SPOPL: variants seen among roughly 807,000 people sequenced by gnomAD.
SPOPL encodes the protein speckle-type POZ protein-like.
In SPOPL, 23 loss-of-function variants were observed where a neutral mutation model predicts 53.8. The observed-to-expected ratio is 0.43, with a 90% CI of 0.31 to 0.61. The LOEUF is 0.61. Among genes scored for constraint, SPOPL ranks in the 20% least tolerant of loss-of-function variants. The probability of loss-of-function intolerance (pLI) is 0.12; values close to 1 mark genes in which losing one functional copy is unlikely to be tolerated. For missense variants in SPOPL, 442 were observed against 466.9 expected (o/e 0.95, Z 0.49); for synonymous variants, 164 against 149.7 (o/e 1.10, Z -0.70).
At chr2:138,527,438 T>A (rs1324901554) in intron 1 of SPOPL, among the ~76,000 whole-genome samples, 1 of 152,204 alleles carries the variant, frequency 6.6e-6, no homozygotes, top group Non-Finnish European at 1.5e-5. Context: ...GAAGTTGTCT[T>A]TATCTTTTAT....
chr2:138,566,382 C>G lies in SPOPL; in HGVS notation c.1034+1389C>G, dbSNP rs75798567. On this transcript the variant is annotated intron_variant, in intron 10 of 10. Transcript: ENST00000280098. Reference sequence around the variant, plus strand: ...TAAGGAAATACTTCACATTTTATAACTTTTTCAGTGTCAAAAAAAATAGCT... The same window carrying G: ...TAAGGAAATACTTCACATTTTATAAGTTTTTCAGTGTCAAAAAAAATAGCT... 2.5e-3 allele frequency among the ~76,000 whole-genome samples: 385 copies of G among 152,166 alleles called. 3 individuals are homozygous for G. The highest frequency in any genetic ancestry group is 9.0e-3 in the African/African-American group (373 of 41,526).
chr2:138,502,413 G>T (rs552156467), intron 1 of SPOPL, among the ~76,000 whole-genome samples: 56 of 152,252 alleles, frequency 3.7e-4, no homozygotes, highest in African/African-American at 1.2e-3. Context: ...TTACCCCCGG[G>T]CCTCGCCCCT....
chr2:138,564,544 GT>G (rs754282061), intron 8 of SPOPL, 163 bp from the exon 9 acceptor site: 3 of 734,222 alleles, frequency 4.1e-6, no homozygotes, highest in Non-Finnish European at 6.0e-6. Flanking sequence ...AAGTGCATTT[GT>G]TTATATTTAC....
At chr2:138,545,548 C>G (rs190422043) in intron 1 of SPOPL, among the ~76,000 whole-genome samples, 1 of 152,162 alleles carries the variant, frequency 6.6e-6, no homozygotes, top group East Asian at 1.9e-4. Flanking sequence ...ATTCTCCTGC[C>G]TCAGCCTCCC....
At chr2:138,523,351 A>C (rs577475310) in intron 1 of SPOPL, among the ~76,000 whole-genome samples, 2 of 152,204 alleles carry the variant, frequency 1.3e-5, no homozygotes, top group Non-Finnish European at 2.9e-5. Flanking sequence ...GGTCCCTGCC[A>C]CAACACATGG....
intron 1 of SPOPL, among the ~76,000 whole-genome samples, chr2:138,511,949 G>T (rs1573866936): frequency 6.6e-6 from 1 of 152,150 alleles, no homozygotes; most frequent in African/African-American, 2.4e-5. Context: ...AAATGGAAAT[G>T]ATAATGGTAA....
intron 1 of SPOPL, among the ~76,000 whole-genome samples, chr2:138,536,346 C>CCCA (rs1553469730): frequency 2.0e-5 from 3 of 151,202 alleles, no homozygotes; most frequent in African/African-American, 7.4e-5. Flanking sequence ...TGCCCCCCCC[C>CCCA]CACACACACA....
intron 5 of SPOPL, among the ~76,000 whole-genome samples, chr2:138,553,790 C>T (rs1227255621): frequency 6.6e-6 from 1 of 152,072 alleles, no homozygotes; most frequent in Non-Finnish European, 1.5e-5. Flanking sequence ...CAAGTCTTAT[C>T]ATTAAATAAC....
intron 1 of SPOPL, among the ~76,000 whole-genome samples, chr2:138,530,791 T>C (rs980375404): frequency 6.6e-6 from 1 of 152,092 alleles, no homozygotes; most frequent in Non-Finnish European, 1.5e-5. Context: ...CCTTTCCAAT[T>C]CTTATGCTTT....
At chr2:138,519,755 G>A (rs1350588078) in intron 1 of SPOPL, among the ~76,000 whole-genome samples, 2 of 152,134 alleles carry the variant, frequency 1.3e-5, no homozygotes, top group African/African-American at 2.4e-5. Flanking sequence ...TCATGCCACT[G>A]CACTCCAGCC....
At chr2:138,508,475 G>A (rs916625604) in intron 1 of SPOPL, among the ~76,000 whole-genome samples, 1 of 151,952 alleles carries the variant, frequency 6.6e-6, no homozygotes, top group African/African-American at 2.4e-5. Flanking sequence ...GGGACTACAG[G>A]CACAGCCACC....
At chr2:138,548,563 G>C (rs1685247228) in intron 1 of SPOPL, among the ~76,000 whole-genome samples, 1 of 151,798 alleles carries the variant, frequency 6.6e-6, no homozygotes, top group South Asian at 2.1e-4. Context: ...TTCCTAGTTT[G>C]ATAGGTAAAA....
chr2:138,536,189 T>C (rs1684928423), intron 1 of SPOPL, among the ~76,000 whole-genome samples: 1 of 152,312 alleles, frequency 6.6e-6, no homozygotes, highest in Admixed American at 6.5e-5. Flanking sequence ...ATACTTTCTG[T>C]TTTTTCATGC....
At chr2:138,557,871 G>A (rs191125894) in intron 5 of SPOPL, among the ~76,000 whole-genome samples, 27 of 152,106 alleles carry the variant, frequency 1.8e-4, no homozygotes, top group African/African-American at 6.5e-4. Context: ...TAAAAAAGTG[G>A]TCTGCAGCCA....
chr2:138,529,484 G>A (rs1007779172), intron 1 of SPOPL, among the ~76,000 whole-genome samples: 4 of 147,322 alleles, frequency 2.7e-5, no homozygotes, highest in African/African-American at 9.9e-5. Context: ...ATGTGTGTGT[G>A]TGTATGCATG....
intron 1 of SPOPL, among the ~76,000 whole-genome samples, chr2:138,513,719 A>C (rs1684377815): frequency 6.8e-6 from 1 of 148,108 alleles, no homozygotes; most frequent in Non-Finnish European, 1.5e-5. Flanking sequence ...CAGCCTAGGA[A>C]ATAGAGCTAG....
intron 1 of SPOPL, among the ~76,000 whole-genome samples, chr2:138,529,498 C>CTG (rs58483992): frequency 0.054 from 8,026 of 147,632 alleles, 287 homozygotes; most frequent in African/African-American, 0.093. Flanking sequence ...ATGCATGTGC[C>CTG]TGTGTGTGTG....
At position 138,573,144 on chromosome 2, in the gene SPOPL, A is replaced by G. The variant is rs536348740; in HGVS notation, c.*4064A>G. 2.0e-5 allele frequency: 3 copies of G among 152,264 alleles called. No homozygotes were observed. Among genetic ancestry groups the G allele is most frequent in the Non-Finnish European group, 2.9e-5 (2 of 67,994 alleles). The allele number at this position is 152,264 out of a possible 1,614,324, so 9.4% of individuals were successfully genotyped here. On this transcript the variant is annotated 3_prime_UTR_variant, in exon 11 of 11. Coordinates refer to ENST00000280098, the MANE Select transcript of SPOPL (RefSeq NM_001001664.3). ...TTAATTAGCTGATGTTAATGATAAG[A>G]TACATAATACATGTATCTTGTTGCT... is the stretch of plus-strand genomic sequence containing the variant.
At chr2:138,543,128 T>C (rs1482098996) in intron 1 of SPOPL, among the ~76,000 whole-genome samples, 1 of 152,228 alleles carries the variant, frequency 6.6e-6, no homozygotes, top group African/African-American at 2.4e-5. Context: ...CGGGCTTCCC[T>C]TTGTGGGTAA....
Sources: allele counts gnomAD v4.1 joint callset (sites outside exome capture counted in the v4.1 genomes callset), GRCh38; gene constraint gnomAD v4.1.1; transcripts MANE v1.5; gene names NCBI Gene and HGNC (gene_info 2026-07-23, HGNC 2026-07-21).